Variants in GALNS observed in about 807,000 individuals in gnomAD.
GALNS encodes N-acetylgalactosamine-6-sulfatase.
A neutral mutation model predicts 65.9 loss-of-function variants in GALNS; 65 were observed. That is an observed-to-expected ratio of 0.99 (90% CI 0.81 to 1.21). The LOEUF (loss-of-function observed/expected upper bound fraction) is 1.21, where lower values mean the gene tolerates loss of function less well. Among genes scored for constraint, GALNS ranks in the 50% most tolerant of loss-of-function variants. The pLI is 0.00. For synonymous variants in GALNS, 346 were observed against 288.9 expected (o/e 1.20, Z -2.00); for missense variants, 776 against 700.7 (o/e 1.11, Z -1.21).
At position 88,850,033 on chromosome 16, in the gene GALNS, C is replaced by T. The variant is rs893659835; in HGVS notation, c.120+6725G>A. On this transcript the variant is annotated intron_variant, in intron 1 of 13. Coordinates refer to ENST00000268695, the MANE Select transcript of GALNS (RefSeq NM_000512.5). ...AGGCCAGCCTGAGGGGGACTGGCCACACACGCCCAAAGCTCCTTGCCCTCC... is the reference window on the plus strand; with the variant it reads ...AGGCCAGCCTGAGGGGGACTGGCCATACACGCCCAAAGCTCCTTGCCCTCC... 2.6e-5 allele frequency among the ~76,000 whole-genome samples: 4 copies of T among 152,258 alleles called. No homozygotes were observed. In the East Asian group the frequency reaches 7.7e-4, roughly 29 times the overall value.
chr16:88,848,619 G>T (rs539154064), intron 1 of GALNS, among the ~76,000 whole-genome samples: 1 of 152,134 alleles, frequency 6.6e-6, no homozygotes, highest in African/African-American at 2.4e-5. Flanking sequence ...TCTGCAGATG[G>T]ACCAGGGGCT....
intron 1 of GALNS, chr16:88,855,573 C>T (rs1967785445): frequency 1.0e-5 from 7 of 686,500 alleles, no homozygotes; most frequent in South Asian, 1.5e-5. Context: ...CCAGGACTGT[C>T]GGCTGTCACC....
At chr16:88,820,473 G>A (rs1229044839) in intron 12 of GALNS, among the ~76,000 whole-genome samples, 1 of 152,248 alleles carries the variant, frequency 6.6e-6, no homozygotes, top group Admixed American at 6.5e-5. Flanking sequence ...TGACATGTGT[G>A]TCTGTGTCTG....
chr16:88,823,900 C>A (rs1910525567), intron 11 of GALNS, among the ~76,000 whole-genome samples: 1 of 152,176 alleles, frequency 6.6e-6, no homozygotes, highest in Admixed American at 6.5e-5. Context: ...TTGCAGGTGA[C>A]AGTGCTGGGT....
intron 1 of GALNS, chr16:88,843,079 C>T (rs1364789945): frequency 6.0e-6 from 9 of 1,508,614 alleles, no homozygotes; most frequent in Admixed American, 2.0e-5. Context: ...ACGGTCAGCC[C>T]ACGCTGTCTT....
intron 13 of GALNS, chr16:88,817,110 C>T (rs1432003135): frequency 2.7e-5 from 27 of 985,358 alleles, no homozygotes; most frequent in Non-Finnish European, 3.3e-5. Context: ...ATCAGCTGTG[C>T]TGGGAAACAG....
chr16:88,829,485 C>T (rs1911266531), intron 9 of GALNS, among the ~76,000 whole-genome samples: 1 of 152,246 alleles, frequency 6.6e-6, no homozygotes, highest in South Asian at 2.1e-4. Flanking sequence ...CTTCAGGGTC[C>T]TGGGAACTTG....
intron 4 of GALNS, among the ~76,000 whole-genome samples, chr16:88,839,837 C>G (rs563600971): frequency 6.6e-6 from 1 of 152,224 alleles, no homozygotes; most frequent in East Asian, 1.9e-4. Context: ...CTCTGGCCAC[C>G]GGCACCAATG....
chr16:88,840,643 T>C (rs1201939942), intron 4 of GALNS: 16 of 384,690 alleles, frequency 4.2e-5, no homozygotes, highest in Non-Finnish European at 6.0e-5. Context: ...ACAGCTCCTG[T>C]GTGTAATGAC....
Position 88,832,110 on chromosome 16 carries a change from G to C in GALNS, c.899-9C>G, listed in dbSNP as rs1157677180. 1.2e-6 allele frequency: 2 copies of C among 1,612,074 alleles called. No homozygotes were observed. The highest frequency in any genetic ancestry group is 1.1e-5 in the South Asian group (1 of 90,936). ...GGGGCCGTTGCTGCCACCTGGGAGA[G>C]AGGGGCCCTTGTCAGGCCACTGGGA... On this transcript the variant is annotated splice_polypyrimidine_tract_variant and intron_variant, in intron 8 of 13. Coordinates refer to ENST00000268695, the MANE Select transcript of GALNS (RefSeq NM_000512.5).
chr16:88,822,620 C>A lies in GALNS; in HGVS notation c.1333G>T (p.Gly445Ter), dbSNP rs1910353907. The A allele has an allele frequency of 6.2e-7, 1 of 1,612,824 alleles. No individual in the cohort carries two copies. Among genetic ancestry groups the A allele is most frequent in the African/African-American group, 1.3e-5 (1 of 74,898 alleles). Residue 445 changes from glycine to a stop codon, truncating the protein, a stop_gained, in exon 12 of 14, where the codon GGA becomes TGA. Transcript: ENST00000268695. LOFTEE classifies it high-confidence loss of function. ...GGGAACCTCTCCCCTGGGTCCCGTCCCAGGTGGAAGATCAGGGGCAGCTTC... is the reference window on the plus strand; with the variant it reads ...GGGAACCTCTCCCCTGGGTCCCGTCACAGGTGGAAGATCAGGGGCAGCTTC... Reference protein sequence around the residue: ...HTKLPLIFHLGRDPGERFPLS... With the variant: ...HTKLPLIFHL
rs536402921 is a variant in GALNS at position 88,822,645 on chromosome 16, C to T, written c.1308G>A (p.Thr436=). The T allele has an allele frequency of 8.7e-6, 14 of 1,613,162 alleles. No individual in the cohort carries two copies. The Admixed American group carries it at 1.8e-4, about 21-fold the overall frequency. The change falls in exon 12 of 14, where the codon ACG becomes ACA. Residue 436 remains threonine (T), a synonymous_variant. Coordinates refer to ENST00000268695, the MANE Select transcript of GALNS (RefSeq NM_000512.5). ...CCAGGTGGAAGATCAGGGGCAGCTT[C>T]GTGTGGTCTTCCAGATTGTGAGTTG... is the stretch of plus-strand genomic sequence containing the variant. ...GVTTHNLEDH[T]KLPLIFHLGR...
Position 88,842,830 on chromosome 16 carries a change from C to T in GALNS, c.121-1G>A, listed in dbSNP as rs1312522259. ...ACACCCCGAGGTCACCCCATCCCAT[C>T]TGCAGGGAAGAGCACGGGGAGGAGG... On this transcript the variant is annotated splice_acceptor_variant, in intron 1 of 13. Coordinates refer to ENST00000268695, the MANE Select transcript of GALNS (RefSeq NM_000512.5). LOFTEE classifies it high-confidence loss of function. 1.2e-6 allele frequency: 2 copies of T among 1,613,296 alleles called. No individual in the cohort carries two copies. The highest frequency in any genetic ancestry group is 1.7e-6 in the Non-Finnish European group (2 of 1,179,954).
At chr16:88,848,024 T>G (rs1000358661) in intron 1 of GALNS, among the ~76,000 whole-genome samples, 5 of 152,002 alleles carry the variant, frequency 3.3e-5, no homozygotes, top group Non-Finnish European at 7.4e-5. Context: ...CGAAAAGGAA[T>G]GGAGTCCTCA....
Position 88,841,967 on chromosome 16 carries a change from C to T in GALNS, c.249G>A (p.Arg83=), listed in dbSNP as rs1335884279. 1 of 1,612,308 alleles carries T rather than the reference C, an allele frequency of 6.2e-7. No homozygotes were observed. The highest frequency in any genetic ancestry group is 1.3e-5 in the African/African-American group (1 of 75,008). The change falls in exon 3 of 14, where the codon AGG becomes AGA. Residue 83 remains arginine, a synonymous_variant. Coordinates refer to ENST00000268695, the MANE Select transcript of GALNS (RefSeq NM_000512.5). The part of the protein sequence containing the change: ...YSANPLCSPS[R]AALLTGRLPI... ...GTAGCCGTCCTGTGAGCAGTGCCGCCCTCGCTATGTGGAGGTGACAGAAAC... is the reference window on the plus strand; with the variant it reads ...GTAGCCGTCCTGTGAGCAGTGCCGCTCTCGCTATGTGGAGGTGACAGAAAC...
At chr16:88,831,896 G>C in intron 9 of GALNS, 102 bp downstream of exon 9, 1 of 965,788 alleles carries the variant, frequency 1.0e-6, no homozygotes. Flanking sequence ...GTGAGGATGA[G>C]CACGGGGTGC....
At chr16:88,832,252 G>A (rs1911586714) in intron 8 of GALNS, 151 bp from the exon 9 acceptor site, 2 of 736,814 alleles carry the variant, frequency 2.7e-6, no homozygotes, top group South Asian at 1.5e-5. Flanking sequence ...CCTCGGGGTG[G>A]CTCTCCAGGG....
intron 12 of GALNS, 42 bp from the exon 13 acceptor site, chr16:88,818,166 C>T (rs776404902): frequency 1.5e-5 from 22 of 1,498,886 alleles, no homozygotes; most frequent in Admixed American, 3.8e-5. Context: ...GGGCTGACAG[C>T]GAAGGACGGA....
intron 10 of GALNS, among the ~76,000 whole-genome samples, chr16:88,826,332 CAG>C (rs1373269858): frequency 3.0e-5 from 3 of 101,352 alleles, no homozygotes; most frequent in South Asian, 3.3e-4. Context: ...AGGCAGGGAA[CAG>C]GGGTGCGGCG....
Sources: gnomAD v4.1 joint callset for allele counts (sites outside exome capture counted in the v4.1 genomes callset) on GRCh38, gnomAD v4.1.1 for gene constraint, MANE v1.5 for transcripts, NCBI Gene and HGNC (gene_info 2026-07-23, HGNC 2026-07-21) for gene names.